ROBO1: variants seen among roughly 807,000 people sequenced by gnomAD.
ROBO1 encodes roundabout homolog 1.
In ROBO1, 149 loss-of-function variants were observed where a neutral mutation model predicts 195.9. That is an observed-to-expected ratio of 0.76 (90% confidence interval 0.67 to 0.87). The LOEUF (loss-of-function observed/expected upper bound fraction) is 0.87. Ranked by LOEUF, ROBO1 falls within the 40% of genes least tolerant of loss-of-function variation. The probability of loss-of-function intolerance (pLI) is 0.00; values close to 1 mark genes in which losing one functional copy is unlikely to be tolerated. For synonymous variants in ROBO1, 816 were observed against 733.2 expected (o/e 1.11, Z -1.82); for missense variants, 1,933 against 2,068.3 (o/e 0.93, Z 1.27).
chr3:78,962,650 C>T (rs2041422261), intron 3 of ROBO1, among the ~76,000 whole-genome samples: 1 of 151,738 alleles, frequency 6.6e-6, no homozygotes, highest in African/African-American at 2.4e-5. Flanking sequence ...ACGGTGAAAC[C>T]CCGTCTCTAC....
intron 2 of ROBO1, among the ~76,000 whole-genome samples, chr3:79,202,685 C>T (rs574596107): frequency 6.6e-6 from 1 of 151,246 alleles, no homozygotes; most frequent in Admixed American, 6.6e-5. Flanking sequence ...GGCCCATATG[C>T]TTTCAAGCTT....
intron 2 of ROBO1, among the ~76,000 whole-genome samples, chr3:79,571,373 A>G (rs559998447): frequency 6.6e-6 from 1 of 152,252 alleles, no homozygotes; most frequent in South Asian, 2.1e-4. Context: ...TATAACATTA[A>G]AAATATTGTA....
chr3:79,365,949 T>C (rs1430779392), intron 2 of ROBO1, among the ~76,000 whole-genome samples: 1 of 152,028 alleles, frequency 6.6e-6, no homozygotes, highest in African/African-American at 2.4e-5. Context: ...CCCTCCACTT[T>C]TCCATTGGGT....
intron 3 of ROBO1, among the ~76,000 whole-genome samples, chr3:78,971,081 G>A (rs2076754541): frequency 1.3e-5 from 2 of 152,084 alleles, no homozygotes; most frequent in South Asian, 4.1e-4. Flanking sequence ...TAGAATCACT[G>A]GGGAAATTCC....
chr3:78,686,083 C>T (rs2081044496), intron 9 of ROBO1, among the ~76,000 whole-genome samples, 166 bp from the exon 10 acceptor site: 1 of 152,118 alleles, frequency 6.6e-6, no homozygotes, highest in African/African-American at 2.4e-5. Context: ...GCTAAGTATT[C>T]TCCCATCACA....
chr3:79,661,791 T>G (rs1021624153), intron 1 of ROBO1, among the ~76,000 whole-genome samples: 2 of 152,072 alleles, frequency 1.3e-5, no homozygotes, highest in African/African-American at 2.4e-5. Flanking sequence ...TTTTACATAT[T>G]GAAATTTCAT....
intron 2 of ROBO1, among the ~76,000 whole-genome samples, chr3:79,172,661 T>A (rs1416199476): frequency 4.6e-5 from 7 of 152,190 alleles, no homozygotes; most frequent in African/African-American, 1.7e-4. Context: ...TTCAATTTTT[T>A]TTTTTTGGAT....
chr3:79,488,134 T>C (rs991529510), intron 2 of ROBO1, among the ~76,000 whole-genome samples: 4 of 152,134 alleles, frequency 2.6e-5, no homozygotes, highest in African/African-American at 9.7e-5. Context: ...AATAAAAACT[T>C]GTCAAATAAA....
chr3:79,494,186 T>C (rs1939611080), intron 2 of ROBO1, among the ~76,000 whole-genome samples: 2 of 152,108 alleles, frequency 1.3e-5, no homozygotes, highest in Non-Finnish European at 2.9e-5. Context: ...TCCATACTTT[T>C]TTCAGCAAAA....
At chr3:78,912,358 G>A (rs936431152) in intron 4 of ROBO1, among the ~76,000 whole-genome samples, 8 of 151,996 alleles carry the variant, frequency 5.3e-5, no homozygotes, top group African/African-American at 1.9e-4. Flanking sequence ...GATGGCTTCG[G>A]CTTACAGAAA....
At chr3:78,607,814 A>G (rs1703555187) in intron 28 of ROBO1, among the ~76,000 whole-genome samples, 1 of 152,154 alleles carries the variant, frequency 6.6e-6, no homozygotes. Flanking sequence ...AGGAAGCTCA[A>G]ATATGTAGAC....
chr3:79,212,094 G>A (rs2081975001), intron 2 of ROBO1, among the ~76,000 whole-genome samples: 1 of 152,236 alleles, frequency 6.6e-6, no homozygotes, highest in Non-Finnish European at 1.5e-5. Context: ...TCCTGCTATT[G>A]TTTGTGGTTT....
At chr3:79,038,251 A>C (rs1189823649) in intron 3 of ROBO1, among the ~76,000 whole-genome samples, 1 of 152,164 alleles carries the variant, frequency 6.6e-6, no homozygotes, top group East Asian at 1.9e-4. Flanking sequence ...CTCCAGGAAG[A>C]CTCATACTGA....
chr3:79,291,409 C>T (rs2032240457), intron 2 of ROBO1, among the ~76,000 whole-genome samples: 1 of 152,130 alleles, frequency 6.6e-6, no homozygotes. Context: ...ACACTCTTTC[C>T]CTTCTTCACC....
intron 28 of ROBO1, among the ~76,000 whole-genome samples, chr3:78,607,865 A>C (rs970892343): frequency 2.0e-5 from 3 of 152,170 alleles, no homozygotes; most frequent in Non-Finnish European, 2.9e-5. Flanking sequence ...TATAATCAGA[A>C]CCAGGACTAA....
chr3:79,310,695 C>A (rs1473981605), intron 2 of ROBO1, among the ~76,000 whole-genome samples: 1 of 152,060 alleles, frequency 6.6e-6, no homozygotes, highest in Admixed American at 6.6e-5. Context: ...CTGATTTGAT[C>A]ATTACACATT....
At chr3:79,418,257 T>A (rs1362530255) in intron 2 of ROBO1, among the ~76,000 whole-genome samples, 1 of 152,180 alleles carries the variant, frequency 6.6e-6, no homozygotes, top group Non-Finnish European at 1.5e-5. Flanking sequence ...CTTAGAAGTC[T>A]TCCATTGATT....
At chr3:79,563,550 G>A (rs1055824976) in intron 2 of ROBO1, among the ~76,000 whole-genome samples, 10 of 152,008 alleles carry the variant, frequency 6.6e-5, no homozygotes, top group African/African-American at 1.9e-4. Flanking sequence ...ATGAATAGGG[G>A]AGAAAAACAG....
At chr3:78,807,211 T>C (rs2084572642) in intron 4 of ROBO1, among the ~76,000 whole-genome samples, 5 of 152,250 alleles carry the variant, frequency 3.3e-5, no homozygotes. Flanking sequence ...TCAAGAATTC[T>C]GTAATGCAAA....
Sources: allele counts gnomAD v4.1 joint callset (sites outside exome capture counted in the v4.1 genomes callset), GRCh38; gene constraint gnomAD v4.1.1; transcripts MANE v1.5; gene names NCBI Gene and HGNC (gene_info 2026-07-23, HGNC 2026-07-21).